Variants in DLG2 observed in about 807,000 individuals in gnomAD.
DLG2 encodes the protein disks large homolog 2.
In DLG2, 45 loss-of-function variants were observed where a neutral mutation model predicts 132.5. The ratio of observed to expected loss-of-function variants is 0.34; its 90% CI spans 0.27 to 0.44. DLG2 has a LOEUF of 0.44. Ranked by LOEUF, DLG2 falls within the 20% of genes least tolerant of loss-of-function variation. The pLI is 1.00. For synonymous variants in DLG2, 424 were observed against 419.6 expected (o/e 1.01, Z -0.13); for missense variants, 1,045 against 1,196.9 (o/e 0.87, Z 1.87).
rs140147703 is a variant in DLG2 at position 84,733,282 on chromosome 11, G to C, written c.358-198551C>G. On this transcript the variant is annotated intron_variant, in intron 6 of 27. Transcript: ENST00000376104. ...ACAGTGTAAGAGTGTTCCTATTTCT[G>C]CACATCCTCTCCAGCACCTGTTGTT... Among the ~76,000 whole-genome samples the C allele has an allele frequency of 9.1e-3, 1,381 of 152,072 alleles. 11 individuals are homozygous for C. Among genetic ancestry groups the C allele is most frequent in the African/African-American group, 0.012 (502 of 41,506 alleles).
chr11:85,537,078 G>T (rs2075638849), intron 3 of DLG2, among the ~76,000 whole-genome samples: 1 of 152,166 alleles, frequency 6.6e-6, no homozygotes, highest in Non-Finnish European at 1.5e-5. Flanking sequence ...TAATTGGGTG[G>T]GGACTTGGAG....
intron 7 of DLG2, among the ~76,000 whole-genome samples, chr11:84,415,905 G>A (rs1428170313): frequency 3.3e-5 from 5 of 152,210 alleles, no homozygotes; most frequent in Non-Finnish European, 7.4e-5. Context: ...GCTTTGCCTA[G>A]GGTGCCACGT....
intron 4 of DLG2, among the ~76,000 whole-genome samples, chr11:85,186,746 G>A (rs141904280): frequency 3.9e-5 from 6 of 152,016 alleles, no homozygotes; most frequent in Non-Finnish European, 5.9e-5. Flanking sequence ...AATCCATAGC[G>A]GTGTATCATT....
At chr11:85,468,224 A>G (rs1252976425) in intron 3 of DLG2, among the ~76,000 whole-genome samples, 3 of 151,716 alleles carry the variant, frequency 2.0e-5, no homozygotes, top group Non-Finnish European at 4.4e-5. Flanking sequence ...TAGTCTTGCT[A>G]GCAGGCTATC....
intron 7 of DLG2, among the ~76,000 whole-genome samples, chr11:84,312,390 A>T (rs2098296868): frequency 6.6e-6 from 1 of 152,118 alleles, no homozygotes; most frequent in African/African-American, 2.4e-5. Flanking sequence ...GAGGCAGGAG[A>T]ATTGCTTGAA....
At chr11:85,059,503 A>T (rs1266178215) in intron 6 of DLG2, among the ~76,000 whole-genome samples, 1 of 151,708 alleles carries the variant, frequency 6.6e-6, no homozygotes, top group Non-Finnish European at 1.5e-5. Flanking sequence ...AAGCAAACTA[A>T]TATCCATCAA....
intron 17 of DLG2, among the ~76,000 whole-genome samples, chr11:83,828,235 T>A (rs1477769811): frequency 6.6e-6 from 1 of 152,024 alleles, no homozygotes; most frequent in Non-Finnish European, 1.5e-5. Context: ...ATTATGGGGA[T>A]TATAAAAATT....
chr11:83,908,325 G>A (rs1008238818), intron 15 of DLG2, among the ~76,000 whole-genome samples: 27 of 149,728 alleles, frequency 1.8e-4, no homozygotes, highest in Non-Finnish European at 3.7e-4. Context: ...TTTCAGCCTC[G>A]GATACCAACC....
intron 21 of DLG2, among the ~76,000 whole-genome samples, chr11:83,514,901 T>A (rs2095232049): frequency 6.6e-6 from 1 of 152,102 alleles, no homozygotes; most frequent in African/African-American, 2.4e-5. Context: ...TGGATATGCT[T>A]TTTGATGTGC....
chr11:83,646,444 T>G (rs1053454503), intron 18 of DLG2, among the ~76,000 whole-genome samples: 1 of 152,020 alleles, frequency 6.6e-6, no homozygotes, highest in Non-Finnish European at 1.5e-5. Flanking sequence ...ATTTCTTCTG[T>G]TCTTTTGGTA....
Position 84,566,811 on chromosome 11 carries a change from A to AT in DLG2, c.358-32081dup, listed in dbSNP as rs1417590068. Among the ~76,000 whole-genome samples the AT allele has an allele frequency of 6.6e-5, 10 of 152,302 alleles. No homozygotes were observed. In the East Asian group the frequency reaches 1.7e-3, roughly 26 times the overall value. On this transcript the variant is annotated intron_variant, in intron 6 of 27. Transcript: ENST00000376104. ...CACTTTGAAGTGGATTGCAGGATAA[A>AT]TTTTTTAAAAACTGTACTATAAAAA...
chr11:84,081,991 CCTGA>C, intron 10 of DLG2, among the ~76,000 whole-genome samples: 1 of 152,224 alleles, frequency 6.6e-6, no homozygotes, highest in Non-Finnish European at 1.5e-5. Context: ...CCTGTTGTTT[CCTGA>C]CTTTTTAATG....
intron 6 of DLG2, among the ~76,000 whole-genome samples, chr11:84,734,151 G>A (rs1432721065): frequency 2.6e-5 from 4 of 152,106 alleles, no homozygotes; most frequent in Non-Finnish European, 4.4e-5. Context: ...GAACTTTAAA[G>A]AAGTTTTTTC....
intron 7 of DLG2, among the ~76,000 whole-genome samples, chr11:84,471,765 T>C (rs1383830490): frequency 6.6e-6 from 1 of 151,794 alleles, no homozygotes. Flanking sequence ...CCTCACTCTT[T>C]CTATCCTTAC....
intron 6 of DLG2, among the ~76,000 whole-genome samples, chr11:84,775,999 T>C (rs2070406643): frequency 6.6e-6 from 1 of 152,234 alleles, no homozygotes; most frequent in South Asian, 2.1e-4. Context: ...ATCTTATTGC[T>C]GGGCTTATAA....
At chr11:85,416,649 G>T (rs924806152) in intron 3 of DLG2, among the ~76,000 whole-genome samples, 1 of 152,070 alleles carries the variant, frequency 6.6e-6, no homozygotes, top group African/African-American at 2.4e-5. Context: ...CCTTGAAGAG[G>T]TCCTTCCCGT....
chr11:84,237,561 A>G (rs942863436), intron 8 of DLG2, among the ~76,000 whole-genome samples: 1 of 152,192 alleles, frequency 6.6e-6, no homozygotes, highest in Non-Finnish European at 1.5e-5. Context: ...GGCACTTGGT[A>G]GAAATTAGGA....
At chr11:85,133,114 C>G in intron 5 of DLG2, 1 of 295,838 alleles carries the variant, frequency 3.4e-6, no homozygotes, top group Non-Finnish European at 6.9e-6. Context: ...GTGCCCCGCA[C>G]AGTTCTATCG....
At chr11:85,450,789 A>G (rs1258309712) in intron 3 of DLG2, among the ~76,000 whole-genome samples, 1 of 152,138 alleles carries the variant, frequency 6.6e-6, no homozygotes. Flanking sequence ...TTTCGGTGGA[A>G]TTGAACTATC....
Sources: allele counts gnomAD v4.1 joint callset (sites outside exome capture counted in the v4.1 genomes callset), GRCh38; gene constraint gnomAD v4.1.1; transcripts MANE v1.5; gene names NCBI Gene and HGNC (gene_info 2026-07-23, HGNC 2026-07-21).